Variants in ZNF292 observed in about 807,000 individuals in gnomAD.
The protein encoded by ZNF292 is 16 zinc-finger domain protein.
Under a neutral mutation model 217.9 loss-of-function variants are expected in ZNF292, and 26 were observed. That is an observed-to-expected ratio of 0.12 (90% CI 0.09 to 0.17). The LOEUF is 0.17. Among genes scored for constraint, ZNF292 ranks in the 10% least tolerant of loss-of-function variants. The probability of loss-of-function intolerance (pLI) is 1.00; values close to 1 mark genes in which losing one functional copy is unlikely to be tolerated. For missense variants in ZNF292, 2,904 were observed against 3,175.2 expected, an observed-to-expected ratio of 0.91 and a Z score of 2.05; for synonymous variants, 1,257 against 1,124.1, an observed-to-expected ratio of 1.12 and a Z score of -2.37.
chr6:87,202,095 A>C, intron 1 of ZNF292, among the ~76,000 whole-genome samples: 1 of 152,212 alleles, frequency 6.6e-6, no homozygotes, highest in South Asian at 2.1e-4. Context: ...CAAATTCTGT[A>C]AATAATCCTA....
intron 4 of ZNF292, among the ~76,000 whole-genome samples, chr6:87,226,383 C>T (rs1773343532): frequency 6.6e-6 from 1 of 151,778 alleles, no homozygotes; most frequent in South Asian, 2.1e-4. Context: ...TATTAGCATA[C>T]CTAAGATGCA....
At chr6:87,250,795 A>G (rs980781646) in intron 7 of ZNF292, among the ~76,000 whole-genome samples, 2 of 152,236 alleles carry the variant, frequency 1.3e-5, no homozygotes, top group South Asian at 2.1e-4. Flanking sequence ...TTTTATTTAT[A>G]TAGTATACTC....
Position 87,260,802 on chromosome 6 carries a change from G to A in ZNF292, c.7173G>A (p.Lys2391=), listed in dbSNP as rs1775538186. The change falls in exon 8 of 8, where the codon AAG becomes AAA. Residue 2391 remains lysine (K), a synonymous_variant. Transcript: ENST00000369577. ...TAACCCAGTATCCATGTATGATAAA[G>A]GGATGTACTTCAGTTGTTACAAGTG... ...RFVTQYPCMI[K]GCTSVVTSES... The A allele has an allele frequency of 1.9e-6, 3 of 1,613,082 alleles. No homozygotes were observed. Among genetic ancestry groups the A allele is most frequent in the East Asian group, 4.5e-5 (2 of 44,838 alleles).
At chr6:87,204,390 C>A (rs1014016037) in intron 1 of ZNF292, among the ~76,000 whole-genome samples, 1 of 152,056 alleles carries the variant, frequency 6.6e-6, no homozygotes, top group African/African-American at 2.4e-5. Context: ...GAAATACATA[C>A]TCTTTGAAGG....
rs1217370503 is a variant in ZNF292 at position 87,261,822 on chromosome 6, C to T, written c.*21C>T. ...ACTGATAATTAATGTAGTATAAATACATCATTTACCATTTTATTTTAAATA... is the reference window on the plus strand; with the variant it reads ...ACTGATAATTAATGTAGTATAAATATATCATTTACCATTTTATTTTAAATA... On this transcript the variant is annotated 3_prime_UTR_variant, in exon 8 of 8. Transcript: ENST00000369577. The T allele has an allele frequency of 2.2e-6, 3 of 1,384,896 alleles. No individual in the cohort carries two copies. The African/African-American group carries it at 4.3e-5, about 20-fold the overall frequency. The allele number at this position is 1,384,896 out of a possible 1,614,324, so 85.8% of individuals were successfully genotyped here.
At chr6:87,199,049 A>G (rs1772036073) in intron 1 of ZNF292, among the ~76,000 whole-genome samples, 1 of 152,192 alleles carries the variant, frequency 6.6e-6, no homozygotes, top group African/African-American at 2.4e-5. Flanking sequence ...TGCTGGTTTG[A>G]ATAGTAAATT....
Position 87,260,700 on chromosome 6 carries a change from T to C in ZNF292, c.7071T>C (p.Tyr2357=). ...TGCAGATTGAAGAAAATAAGCCTTATTCTCTGAAACGTGGGAAGCATGTAT... is the reference window on the plus strand; with the variant it reads ...TGCAGATTGAAGAAAATAAGCCTTACTCTCTGAAACGTGGGAAGCATGTAT... The part of the protein sequence containing the change: ...KIVQIEENKP[Y]SLKRGKHVYS... Residue 2357 remains tyrosine, a synonymous_variant, in exon 8 of 8, where the codon TAT becomes TAC. Coordinates refer to ENST00000369577, the MANE Select transcript of ZNF292 (RefSeq NM_015021.3). 1 of 1,613,244 alleles carries C rather than the reference T, an allele frequency of 6.2e-7. No homozygotes were observed. Among genetic ancestry groups the C allele is most frequent in the Non-Finnish European group, 8.5e-7 (1 of 1,179,588 alleles).
chr6:87,174,500 T>C (rs191037414), intron 1 of ZNF292, among the ~76,000 whole-genome samples: 2 of 152,156 alleles, frequency 1.3e-5, no homozygotes, highest in African/African-American at 4.8e-5. Flanking sequence ...TTGGCAGGGG[T>C]CATGAGGGGA....
At chr6:87,218,029 G>A (rs1273561869) in intron 3 of ZNF292, among the ~76,000 whole-genome samples, 2 of 152,208 alleles carry the variant, frequency 1.3e-5, no homozygotes, top group East Asian at 3.9e-4. Context: ...TTGGTCTTTT[G>A]TGGACTGAAG....
intron 1 of ZNF292, among the ~76,000 whole-genome samples, chr6:87,172,678 G>C (rs557030215): frequency 6.6e-6 from 1 of 152,246 alleles, no homozygotes; most frequent in African/African-American, 2.4e-5. Context: ...GGCCAAGGCA[G>C]GTGGCTTACT....
chr6:87,239,858 A>G (rs1774164900), intron 5 of ZNF292, among the ~76,000 whole-genome samples: 1 of 148,618 alleles, frequency 6.7e-6, no homozygotes, highest in Non-Finnish European at 1.5e-5. Context: ...GGCGCTCCTC[A>G]CTTCCCAGAC....
At position 87,264,044 on chromosome 6, in the gene ZNF292, G is replaced by A. The variant is rs983964086; in HGVS notation, c.*2243G>A. 2 of 151,896 alleles carry A rather than the reference G, an allele frequency of 1.3e-5. No homozygotes were observed. Among genetic ancestry groups the A allele is most frequent in the Admixed American group, 6.6e-5 (1 of 15,242 alleles). 9.4% of individuals were successfully genotyped at this position (151,896 alleles called of 1,614,324 possible). On this transcript the variant is annotated 3_prime_UTR_variant, in exon 8 of 8. Coordinates refer to ENST00000369577, the MANE Select transcript of ZNF292 (RefSeq NM_015021.3). Reference sequence around the variant, plus strand: ...TATATTCCAGGTAATGTATACTAAAGGTAATTATGAGAGTGGGCTTTTTAG... The same window carrying A: ...TATATTCCAGGTAATGTATACTAAAAGTAATTATGAGAGTGGGCTTTTTAG...
intron 1 of ZNF292, among the ~76,000 whole-genome samples, chr6:87,183,861 A>T (rs1156789361): frequency 1.3e-5 from 2 of 152,226 alleles, no homozygotes; most frequent in Admixed American, 6.5e-5. Context: ...CATCTCAAAT[A>T]CCATGATGGA....
At chr6:87,214,939 A>G (rs1772669233) in intron 1 of ZNF292, 1 of 146,486 alleles carries the variant, frequency 6.8e-6, no homozygotes, top group South Asian at 2.3e-4. Context: ...GTGCTTCTGT[A>G]TGCCAGAGGA....
chr6:87,241,836 G>C (rs1326858424), intron 5 of ZNF292, among the ~76,000 whole-genome samples: 1 of 152,188 alleles, frequency 6.6e-6, no homozygotes, highest in African/African-American at 2.4e-5. Context: ...CTATTTTTCA[G>C]CTCTACAACG....
chr6:87,155,584 G>T lies in ZNF292; in HGVS notation c.-8G>T. ...CCAGGTGCGTACGCGACGGAGCGGG[G>T]TGTGAAGATGGCGGACGAAGAGGCC... On this transcript the variant is annotated 5_prime_UTR_variant, in exon 1 of 8. Coordinates refer to ENST00000369577, the MANE Select transcript of ZNF292 (RefSeq NM_015021.3). 6.3e-7 allele frequency: 1 copy of T among 1,575,094 alleles called. No individual in the cohort carries two copies. Among genetic ancestry groups the T allele is most frequent in the Non-Finnish European group, 8.6e-7 (1 of 1,161,254 alleles).
intron 1 of ZNF292, among the ~76,000 whole-genome samples, chr6:87,160,642 G>GGTGT (rs141577588): frequency 0.08 from 11,912 of 148,600 alleles, 775 homozygotes; most frequent in African/African-American, 0.18. Context: ...ACATGTATAC[G>GGTGT]GTGTGTGTGT....
intron 1 of ZNF292, among the ~76,000 whole-genome samples, chr6:87,187,359 T>C (rs117506852): frequency 6.6e-6 from 1 of 152,348 alleles, no homozygotes; most frequent in East Asian, 1.9e-4. Flanking sequence ...CTCACTTTAC[T>C]AAATCTTAAT....
At chr6:87,226,672 T>G (rs1773366102) in intron 4 of ZNF292, among the ~76,000 whole-genome samples, 1 of 108,606 alleles carries the variant, frequency 9.2e-6, no homozygotes, top group Non-Finnish European at 1.9e-5. Flanking sequence ...TATATAGATA[T>G]ATAGATATAT....
Sources: allele counts gnomAD v4.1 joint callset (sites outside exome capture counted in the v4.1 genomes callset), GRCh38; gene constraint gnomAD v4.1.1; transcripts MANE v1.5; gene names NCBI Gene and HGNC (gene_info 2026-07-23, HGNC 2026-07-21).